ADAMTS16: variants seen among roughly 807,000 people sequenced by gnomAD.
ADAMTS16 encodes the protein ADAM metallopeptidase with thrombospondin type 1 motif 16, also known as A disintegrin and metalloproteinase with thrombospondin motifs 16.
Under a neutral mutation model 145.8 loss-of-function variants are expected in ADAMTS16, and 94 were observed. That is an observed-to-expected ratio of 0.64 (90% CI 0.55 to 0.77). The LOEUF (loss-of-function observed/expected upper bound fraction) is 0.77, where lower values mean the gene tolerates loss of function less well. Ranked by LOEUF, ADAMTS16 falls within the 30% of genes least tolerant of loss-of-function variation. ADAMTS16 has a pLI of 0.00. For synonymous variants in ADAMTS16, 659 were observed against 604.3 expected (o/e 1.09, Z -1.33); for missense variants, 1,585 against 1,591.5 (o/e 1.00, Z 0.07).
chr5:5,261,188 G>C (rs913406476), intron 17 of ADAMTS16, among the ~76,000 whole-genome samples: 1 of 152,172 alleles, frequency 6.6e-6, no homozygotes, highest in African/African-American at 2.4e-5. Flanking sequence ...ATACAGGCTG[G>C]AGTGCAGTGA....
intron 18 of ADAMTS16, among the ~76,000 whole-genome samples, chr5:5,265,812 T>C (rs1738220707): frequency 6.6e-6 from 1 of 152,206 alleles, no homozygotes; most frequent in African/African-American, 2.4e-5. Context: ...GTAACCTTGA[T>C]TGAAGGTCCT....
chr5:5,213,111 T>A (rs148157509), intron 10 of ADAMTS16, among the ~76,000 whole-genome samples: 33 of 152,350 alleles, frequency 2.2e-4, no homozygotes, highest in African/African-American at 6.5e-4. Context: ...ATATTTCATT[T>A]CTCTGCAAAT....
chr5:5,199,534 C>G lies in ADAMTS16; in HGVS notation c.1314-598C>G, dbSNP rs192133052. Among the ~76,000 whole-genome samples the G allele has an allele frequency of 2.0e-5, 3 of 152,350 alleles. No homozygotes were observed. The East Asian group carries it at 5.8e-4, about 29-fold the overall frequency. ...CAGGTCAAGCACAGCCCGCCCATCA[C>G]AGCCTCCAGCAGTGCAGCCCTAATA... On this transcript the variant is annotated intron_variant, in intron 8 of 22. Coordinates refer to ENST00000274181, the MANE Select transcript of ADAMTS16 (RefSeq NM_139056.4).
At chr5:5,168,427 T>G (rs1313907088) in intron 3 of ADAMTS16, among the ~76,000 whole-genome samples, 1 of 146,608 alleles carries the variant, frequency 6.8e-6, no homozygotes, top group African/African-American at 2.5e-5. Flanking sequence ...TTCTTTGCAC[T>G]TTTTAAAAAC....
At chr5:5,235,546 T>C (rs991804564) in intron 13 of ADAMTS16, among the ~76,000 whole-genome samples, 1 of 152,234 alleles carries the variant, frequency 6.6e-6, no homozygotes, top group Non-Finnish European at 1.5e-5. Flanking sequence ...AAGTTACCCA[T>C]TGAATACTTA....
chr5:5,290,442 G>A (rs1320899483), intron 18 of ADAMTS16, among the ~76,000 whole-genome samples: 1 of 152,130 alleles, frequency 6.6e-6, no homozygotes, highest in East Asian at 1.9e-4. Flanking sequence ...ATCACCTGAG[G>A]TCAGGAGTTT....
At position 5,140,813 on chromosome 5, in the gene ADAMTS16, C is replaced by T. The variant is rs752018691; in HGVS notation, c.175+47C>T. ...TTCTAATCCTTGCCATTTAGCAGCT[C>T]GTAATCTCCGTGCCGCTGGTTTATT... On this transcript the variant is annotated intron_variant, in intron 2 of 22. Coordinates refer to ENST00000274181, the MANE Select transcript of ADAMTS16 (RefSeq NM_139056.4). The T allele has an allele frequency of 5.4e-6, 8 of 1,480,748 alleles. No homozygotes were observed. The Admixed American group carries it at 6.3e-5, about 12-fold the overall frequency. The allele number at this position is 1,480,748 out of a possible 1,614,324, so 91.7% of individuals were successfully genotyped here.
chr5:5,310,341 T>A lies in ADAMTS16; in HGVS notation c.3411+3613T>A, dbSNP rs1314704362. ...CACTTCCAGCCCGCCACTGGTCATC[T>A]CTCCTCTGGAGAGGGACCCCACACT... On this transcript the variant is annotated intron_variant, in intron 21 of 22. Transcript: ENST00000274181. The surrounding 1 kb of genome is among the most constrained non-coding windows in gnomAD (Gnocchi z 4.3). 6.6e-6 allele frequency among the ~76,000 whole-genome samples: 1 copy of A among 151,980 alleles called. No homozygotes were observed. The highest frequency in any genetic ancestry group is 1.5e-5 in the Non-Finnish European group (1 of 68,014).
At chr5:5,166,963 G>A (rs1295983271) in intron 3 of ADAMTS16, among the ~76,000 whole-genome samples, 1 of 152,158 alleles carries the variant, frequency 6.6e-6, no homozygotes, top group Non-Finnish European at 1.5e-5. Flanking sequence ...CATCAAAGCC[G>A]TCACTGAAAT....
intron 3 of ADAMTS16, among the ~76,000 whole-genome samples, chr5:5,164,830 C>G (rs1439925705): frequency 6.6e-6 from 1 of 152,166 alleles, no homozygotes; most frequent in African/African-American, 2.4e-5. Context: ...GCGCCCGCCA[C>G]CACGCCCGGC....
intron 8 of ADAMTS16, among the ~76,000 whole-genome samples, chr5:5,198,568 C>T (rs947876414): frequency 6.6e-6 from 1 of 152,130 alleles, no homozygotes; most frequent in Non-Finnish European, 1.5e-5. Context: ...TTCTCCAGTC[C>T]TCGGTCTTGC....
intron 18 of ADAMTS16, among the ~76,000 whole-genome samples, chr5:5,288,034 C>A (rs1320013488): frequency 6.6e-6 from 1 of 152,136 alleles, no homozygotes; most frequent in Non-Finnish European, 1.5e-5. Context: ...ATCCAAGAAA[C>A]CCTGACGCGA....
intron 3 of ADAMTS16, among the ~76,000 whole-genome samples, chr5:5,166,690 GAT>G (rs1237120023): frequency 6.6e-6 from 1 of 152,216 alleles, no homozygotes; most frequent in Non-Finnish European, 1.5e-5. Flanking sequence ...CAATGTCTCA[GAT>G]AGCACAGAAA....
chr5:5,315,665 G>A (rs1392941297), intron 21 of ADAMTS16, among the ~76,000 whole-genome samples: 1 of 152,206 alleles, frequency 6.6e-6, no homozygotes, highest in Non-Finnish European at 1.5e-5. Context: ...GGCGCACTGT[G>A]TGAGCTAAGA....
Position 5,320,084 on chromosome 5 carries a change from ATC to A in ADAMTS16, c.*948_*949del, listed in dbSNP as rs1044865973. The A allele has an allele frequency of 2.3e-5, 5 of 215,226 alleles. No individual in the cohort carries two copies. The African/African-American group carries it at 6.9e-4, about 30-fold the overall frequency. The allele number at this position is 215,226 out of a possible 1,614,324, so 13.3% of individuals were successfully genotyped here. A position where few individuals can be genotyped will look rare whatever the true frequency, so the allele number is the denominator to read the frequency against. On this transcript the variant is annotated 3_prime_UTR_variant, in exon 23 of 23. Coordinates refer to ENST00000274181, the MANE Select transcript of ADAMTS16 (RefSeq NM_139056.4). The surrounding 1 kb of genome is among the most constrained non-coding windows in gnomAD (Gnocchi z 5.1). ...TGTTTTTGTGTGTTGTGAGATTTTA[ATC>A]TTTTTTTTTTCGGTGAGTCTGGCCA...
rs891798310 is a variant in ADAMTS16, at chr5:5,320,176, T to C, written c.*1038T>C. ...AGGGTGGGAATCTGCCCGGCGTCTC[T>C]GGCACCCTCCCTGCCATCCTCAGTG... On this transcript the variant is annotated 3_prime_UTR_variant, in exon 23 of 23. Coordinates refer to ENST00000274181, the MANE Select transcript of ADAMTS16 (RefSeq NM_139056.4). This position sits in a 1 kb window ranked among gnomAD's most constrained non-coding sequence, Gnocchi z 5.1. 2 of 314,210 alleles carry C rather than the reference T, an allele frequency of 6.4e-6. No individual in the cohort carries two copies. Among genetic ancestry groups the C allele is most frequent in the South Asian group, 2.6e-5 (1 of 38,492 alleles). The allele number at this position is 314,210 out of a possible 1,614,324, so 19.5% of individuals were successfully genotyped here.
intron 18 of ADAMTS16, among the ~76,000 whole-genome samples, chr5:5,300,514 T>A (rs1346091650): frequency 6.6e-6 from 1 of 152,248 alleles, no homozygotes; most frequent in East Asian, 1.9e-4. Flanking sequence ...CATTTTAGTC[T>A]TTGTATAATT....
chr5:5,203,812 T>G (rs913904958), intron 9 of ADAMTS16, among the ~76,000 whole-genome samples: 3 of 152,138 alleles, frequency 2.0e-5, no homozygotes, highest in African/African-American at 7.2e-5. Flanking sequence ...TCTGACCACG[T>G]GAATCTGAAC....
At chr5:5,243,618 G>A (rs975540210) in intron 17 of ADAMTS16, among the ~76,000 whole-genome samples, 2 of 152,164 alleles carry the variant, frequency 1.3e-5, no homozygotes, top group African/African-American at 4.8e-5. Flanking sequence ...GATAATAATA[G>A]AATCAGAAAA....
Sources: gnomAD v4.1 joint callset for allele counts (sites outside exome capture counted in the v4.1 genomes callset) on GRCh38, gnomAD v4.1.1 for gene constraint, Gnocchi (gnomAD v3.1) non-coding constraint, MANE v1.5 for transcripts, NCBI Gene and HGNC (gene_info 2026-07-23, HGNC 2026-07-21) for gene names.